STPG2: variants seen among roughly 807,000 people sequenced by gnomAD.
STPG2 encodes the protein sperm-tail PG-rich repeat-containing protein 2.
In STPG2, 56 loss-of-function variants were observed where a neutral mutation model predicts 54.2. The ratio of observed to expected loss-of-function variants is 1.03; its 90% CI spans 0.83 to 1.29. STPG2 has a LOEUF of 1.29. Among genes scored for constraint, STPG2 ranks in the 50% most tolerant of loss-of-function variants. The pLI is 0.00. For missense variants in STPG2, 596 were observed against 544.9 expected (o/e 1.09, Z -0.93); for synonymous variants, 200 against 181.8 (o/e 1.10, Z -0.81).
intron 4 of STPG2, among the ~76,000 whole-genome samples, chr4:97,543,273 G>C (rs958424267): frequency 1.7e-4 from 25 of 151,422 alleles, no homozygotes; most frequent in African/African-American, 6.1e-4. Flanking sequence ...CAGAAACATG[G>C]GGAAAAAATA....
At chr4:97,726,805 T>C (rs1384831510) in intron 9 of STPG2, among the ~76,000 whole-genome samples, 2 of 150,636 alleles carry the variant, frequency 1.3e-5, no homozygotes, top group African/African-American at 4.9e-5. Flanking sequence ...ACACACATAA[T>C]ACAAACATAC....
intron 10 of STPG2, among the ~76,000 whole-genome samples, chr4:97,662,459 C>G (rs910090930): frequency 1.3e-5 from 2 of 152,086 alleles, no homozygotes; most frequent in Non-Finnish European, 2.9e-5. Flanking sequence ...TTGGAGATTT[C>G]TCAAAGAAAT....
intron 9 of STPG2, among the ~76,000 whole-genome samples, chr4:97,730,000 T>C (rs1724749066): frequency 6.6e-6 from 1 of 152,216 alleles, no homozygotes; most frequent in South Asian, 2.1e-4. Context: ...TTTAGGGCTT[T>C]TCTTTTTCAA....
At chr4:97,673,162 T>C (rs1722747735) in intron 10 of STPG2, among the ~76,000 whole-genome samples, 1 of 152,196 alleles carries the variant, frequency 6.6e-6, no homozygotes, top group Admixed American at 6.5e-5. Context: ...CTAAGAAAAT[T>C]ACAGGAAACA....
intron 9 of STPG2, among the ~76,000 whole-genome samples, chr4:97,732,553 A>G (rs2149027747): frequency 6.6e-6 from 1 of 152,312 alleles, no homozygotes; most frequent in African/African-American, 2.4e-5. Flanking sequence ...AAATGCAACA[A>G]AAAGAAAAAT....
intron 4 of STPG2, among the ~76,000 whole-genome samples, chr4:97,551,832 C>G (rs1016779364): frequency 1.3e-5 from 2 of 152,152 alleles, no homozygotes; most frequent in Non-Finnish European, 2.9e-5. Flanking sequence ...CAGGGAAGCA[C>G]TCAAGCTGGT....
intron 8 of STPG2, among the ~76,000 whole-genome samples, chr4:97,868,767 C>T (rs777590353): frequency 2.6e-5 from 4 of 151,784 alleles, no homozygotes; most frequent in East Asian, 1.9e-4. Flanking sequence ...TCTCCTACTC[C>T]CTCCAAACAC....
intron 10 of STPG2, among the ~76,000 whole-genome samples, chr4:97,675,474 A>T (rs770120353): frequency 1.3e-5 from 2 of 152,072 alleles, no homozygotes; most frequent in African/African-American, 2.4e-5. Context: ...AAAGAAAAAA[A>T]CTCTGTATTC....
chr4:97,979,807 C>A (rs546077841), intron 6 of STPG2, among the ~76,000 whole-genome samples: 1 of 151,774 alleles, frequency 6.6e-6, no homozygotes, highest in South Asian at 2.1e-4. Context: ...TCACTGCAAC[C>A]TCCGCCTCCC....
At chr4:97,958,421 T>G (rs1344886797) in intron 7 of STPG2, among the ~76,000 whole-genome samples, 1 of 152,062 alleles carries the variant, frequency 6.6e-6, no homozygotes, top group Non-Finnish European at 1.5e-5. Flanking sequence ...ATTGCCTAAA[T>G]GCTCCATTTA....
At chr4:97,485,632 C>A (rs963788426) in intron 4 of STPG2, among the ~76,000 whole-genome samples, 3 of 151,876 alleles carry the variant, frequency 2.0e-5, no homozygotes, top group Non-Finnish European at 4.4e-5. Flanking sequence ...ACCATACTGA[C>A]AAAAGCAATC....
Position 97,558,987 on chromosome 4 carries a change from T to A in STPG2, c.*71A>T. ...TATTACTCCTATATTTGGAATAAAT[T>A]TTGTTAAAATGACAAAGAAATAAAC... On this transcript the variant is annotated 3_prime_UTR_variant, in exon 11 of 11. Coordinates refer to ENST00000295268, the MANE Select transcript of STPG2 (RefSeq NM_174952.3). 1 of 1,279,220 alleles carries A rather than the reference T, an allele frequency of 7.8e-7. No individual in the cohort carries two copies. Among genetic ancestry groups the A allele is most frequent in the Non-Finnish European group, 1.1e-6 (1 of 897,724 alleles). 79.2% of individuals were successfully genotyped at this position (1,279,220 alleles called of 1,614,324 possible).
chr4:97,769,139 G>A (rs1726145841), intron 9 of STPG2, among the ~76,000 whole-genome samples: 1 of 152,134 alleles, frequency 6.6e-6, no homozygotes, highest in Admixed American at 6.5e-5. Context: ...GTTACTCTGG[G>A]GTCTCTATGG....
At chr4:97,967,154 A>C (rs1272981803) in intron 7 of STPG2, among the ~76,000 whole-genome samples, 1 of 139,098 alleles carries the variant, frequency 7.2e-6, no homozygotes, top group South Asian at 2.6e-4. Flanking sequence ...AAATAAAGGG[A>C]TGGAGGAAGA....
intron 9 of STPG2, among the ~76,000 whole-genome samples, chr4:97,788,032 G>A (rs573772016): frequency 2.3e-4 from 35 of 152,024 alleles, no homozygotes; most frequent in African/African-American, 7.7e-4. Context: ...ATCAGAGTAA[G>A]TGGAGTATCC....
intron 8 of STPG2, among the ~76,000 whole-genome samples, chr4:97,850,160 C>T (rs1047184086): frequency 8.1e-5 from 12 of 147,760 alleles, no homozygotes; most frequent in African/African-American, 2.8e-4. Context: ...TCTCAGTAAA[C>T]TATCGCAAGA....
intron 5 of STPG2, among the ~76,000 whole-genome samples, chr4:98,101,313 G>A (rs1259487803): frequency 6.6e-6 from 1 of 152,186 alleles, no homozygotes; most frequent in Non-Finnish European, 1.5e-5. Flanking sequence ...CCATGGGAGA[G>A]ACATTTTTCC....
intron 8 of STPG2, among the ~76,000 whole-genome samples, chr4:97,942,796 T>C (rs1004322702): frequency 6.6e-6 from 1 of 152,198 alleles, no homozygotes; most frequent in African/African-American, 2.4e-5. Context: ...CAGCAAGTTA[T>C]ACTCTGTTTT....
chr4:97,726,904 T>C (rs1724643000), intron 9 of STPG2, among the ~76,000 whole-genome samples: 2 of 151,762 alleles, frequency 1.3e-5, no homozygotes, highest in Admixed American at 1.3e-4. Context: ...CTCCAACTGA[T>C]TCTTTTCATT....
Sources: gnomAD v4.1 joint callset for allele counts (sites outside exome capture counted in the v4.1 genomes callset) on GRCh38, gnomAD v4.1.1 for gene constraint, MANE v1.5 for transcripts, NCBI Gene and HGNC (gene_info 2026-07-23, HGNC 2026-07-21) for gene names.